LSAMP: variants seen among roughly 807,000 people sequenced by gnomAD.
The protein encoded by LSAMP is limbic system associated membrane protein.
A neutral mutation model predicts 38.6 loss-of-function variants in LSAMP; 7 were observed. The observed-to-expected ratio is 0.18, with a 90% CI of 0.10 to 0.34. The LOEUF (loss-of-function observed/expected upper bound fraction) is 0.34. Ranked by LOEUF, LSAMP falls within the 10% of genes least tolerant of loss-of-function variation. LSAMP has a pLI of 1.00. For missense variants in LSAMP, 313 were observed against 420.0 expected (o/e 0.75, Z 2.23); for synonymous variants, 154 against 166.8 (o/e 0.92, Z 0.59).
intron 1 of LSAMP, among the ~76,000 whole-genome samples, chr3:116,164,161 A>C (rs2107543165): frequency 6.6e-6 from 1 of 152,228 alleles, no homozygotes; most frequent in Non-Finnish European, 1.5e-5. Flanking sequence ...CCAAACATAC[A>C]CCATGCTTCT....
chr3:116,138,441 A>G (rs954705501), intron 1 of LSAMP, among the ~76,000 whole-genome samples: 148 of 152,218 alleles, frequency 9.7e-4, no homozygotes, highest in Non-Finnish European at 7.5e-4. Context: ...ATAAATAAAT[A>G]AAAGTTAATC....
At chr3:116,169,186 A>G (rs1710134592) in intron 1 of LSAMP, among the ~76,000 whole-genome samples, 1 of 152,208 alleles carries the variant, frequency 6.6e-6, no homozygotes, top group Non-Finnish European at 1.5e-5. Context: ...CCTGAGTGAC[A>G]GATTGAGACC....
intron 1 of LSAMP, among the ~76,000 whole-genome samples, chr3:116,374,997 G>C (rs999093140): frequency 2.0e-5 from 3 of 151,846 alleles, no homozygotes; most frequent in Non-Finnish European, 4.4e-5. Context: ...CCTGCCTTGG[G>C]CCCAGGCACA....
chr3:116,059,792 C>T (rs1941557226), intron 2 of LSAMP, among the ~76,000 whole-genome samples: 1 of 152,214 alleles, frequency 6.6e-6, no homozygotes, highest in Non-Finnish European at 1.5e-5. Flanking sequence ...CACCTGAACG[C>T]TCTCTAATGA....
At chr3:116,424,998 A>C (rs996295827) in intron 1 of LSAMP, among the ~76,000 whole-genome samples, 1 of 151,616 alleles carries the variant, frequency 6.6e-6, no homozygotes, top group Non-Finnish European at 1.5e-5. Flanking sequence ...GAAGTTGAAG[A>C]AGGAAAAAAA....
At chr3:115,919,137 A>T (rs896859289) in intron 3 of LSAMP, among the ~76,000 whole-genome samples, 1 of 151,338 alleles carries the variant, frequency 6.6e-6, no homozygotes, top group Non-Finnish European at 1.5e-5. Context: ...CCCACTCCTC[A>T]CCCCCACTGT....
intron 1 of LSAMP, among the ~76,000 whole-genome samples, chr3:116,220,319 A>G (rs1281528825): frequency 6.8e-6 from 1 of 146,424 alleles, no homozygotes; most frequent in Non-Finnish European, 1.5e-5. Flanking sequence ...TTAATAAAGT[A>G]TCTTGCCATT....
At chr3:116,342,549 G>T (rs1233253172) in intron 1 of LSAMP, among the ~76,000 whole-genome samples, 2 of 152,052 alleles carry the variant, frequency 1.3e-5, no homozygotes, top group Non-Finnish European at 1.5e-5. Flanking sequence ...AATATGTTTT[G>T]ATATGGATCA....
intron 2 of LSAMP, among the ~76,000 whole-genome samples, chr3:116,045,989 C>G (rs1941280825): frequency 6.6e-6 from 1 of 152,216 alleles, no homozygotes; most frequent in African/African-American, 2.4e-5. Flanking sequence ...CTTTACTCCA[C>G]TTACTCATGC....
intron 1 of LSAMP, among the ~76,000 whole-genome samples, chr3:116,200,357 G>A (rs917078105): frequency 1.3e-5 from 2 of 152,144 alleles, no homozygotes; most frequent in Non-Finnish European, 2.9e-5. Flanking sequence ...TCTGGATATT[G>A]TTCCCTAAGT....
intron 3 of LSAMP, among the ~76,000 whole-genome samples, chr3:115,929,609 G>A (rs754113961): frequency 1.5e-4 from 23 of 152,084 alleles, no homozygotes; most frequent in Non-Finnish European, 3.2e-4. Context: ...CATTAAACAA[G>A]TGTCTAACCT....
intron 1 of LSAMP, among the ~76,000 whole-genome samples, chr3:116,319,044 GGGGGGGT>G (rs981531115): frequency 2.1e-5 from 2 of 95,396 alleles, no homozygotes; most frequent in Non-Finnish European, 4.3e-5. Flanking sequence ...GTATAGAATT[GGGGGGGT>G]GGGGATTACT....
At chr3:116,117,641 T>C (rs1030062492) in intron 1 of LSAMP, among the ~76,000 whole-genome samples, 1 of 152,242 alleles carries the variant, frequency 6.6e-6, no homozygotes, top group African/African-American at 2.4e-5. Flanking sequence ...AGTCTTTTTA[T>C]GTTTTTGATA....
At chr3:115,937,701 G>A (rs1483340476) in intron 3 of LSAMP, among the ~76,000 whole-genome samples, 4 of 151,876 alleles carry the variant, frequency 2.6e-5, no homozygotes, top group Non-Finnish European at 5.9e-5. Flanking sequence ...AAATACAGTG[G>A]TTCATCTCTT....
chr3:115,808,008 T>C lies in LSAMP; in HGVS notation c.*2309A>G, dbSNP rs1483359333. The C allele has an allele frequency of 6.6e-6, 1 of 151,844 alleles. No homozygotes were observed. The highest frequency in any genetic ancestry group is 1.5e-5 in the Non-Finnish European group (1 of 67,940). The allele number at this position is 151,844 out of a possible 1,614,324, so 9.4% of individuals were successfully genotyped here. A position where few individuals can be genotyped will look rare whatever the true frequency, so the allele number is the denominator to read the frequency against. On this transcript the variant is annotated 3_prime_UTR_variant, in exon 7 of 7. Coordinates refer to ENST00000490035, the MANE Select transcript of LSAMP (RefSeq NM_002338.5). ...TGTGATAAGCTTCTAAAACAAACAATAAAATCCCTTAGAAGAAATTGAAGA... is the reference window on the plus strand; with the variant it reads ...TGTGATAAGCTTCTAAAACAAACAACAAAATCCCTTAGAAGAAATTGAAGA...
At chr3:115,997,103 A>C (rs1939836367) in intron 3 of LSAMP, among the ~76,000 whole-genome samples, 1 of 152,158 alleles carries the variant, frequency 6.6e-6, no homozygotes, top group African/African-American at 2.4e-5. Flanking sequence ...GATGCTTGTT[A>C]AAATGTAGAT....
At chr3:115,816,513 C>A in intron 6 of LSAMP, 1 of 654,942 alleles carries the variant, frequency 1.5e-6, no homozygotes, top group South Asian at 1.7e-5. Context: ...AAATTGTTAT[C>A]ACAAATTATT....
At chr3:116,177,235 CAATA>C (rs1177926406) in intron 1 of LSAMP, among the ~76,000 whole-genome samples, 1 of 151,972 alleles carries the variant, frequency 6.6e-6, no homozygotes, top group Non-Finnish European at 1.5e-5. Context: ...TAGGAAGGAA[CAATA>C]ATTTCCAAGG....
intron 1 of LSAMP, among the ~76,000 whole-genome samples, chr3:116,088,984 A>G (rs1443725943): frequency 6.6e-6 from 1 of 152,182 alleles, no homozygotes; most frequent in Non-Finnish European, 1.5e-5. Context: ...CCCAAGTCCT[A>G]TAGCACCCAC....
Sources: gnomAD v4.1 joint callset for allele counts (sites outside exome capture counted in the v4.1 genomes callset) on GRCh38, gnomAD v4.1.1 for gene constraint, MANE v1.5 for transcripts, NCBI Gene and HGNC (gene_info 2026-07-23, HGNC 2026-07-21) for gene names.